PSD3: variants seen among roughly 807,000 people sequenced by gnomAD.
PSD3 encodes PH and SEC7 domain-containing protein 3.
In PSD3, 49 loss-of-function variants were observed where a neutral mutation model predicts 105.5. The ratio of observed to expected loss-of-function variants is 0.46; its 90% confidence interval spans 0.37 to 0.59. PSD3 has a LOEUF of 0.59. PSD3 is among the 20% of genes least tolerant of loss of function. The pLI is 0.00. For missense variants in PSD3, 1,561 were observed against 1,263.8 expected (o/e 1.24, Z -3.57); for synonymous variants, 557 against 457.8 (o/e 1.22, Z -2.77).
chr8:18,886,091 T>C lies in PSD3; in HGVS notation c.131-13358A>G, dbSNP rs189689863. On this transcript the variant is annotated intron_variant, in intron 2 of 15. Transcript: ENST00000327040. ...CTACAACATTATGTCTTTCTAAAAC[T>C]GGAGGGGTAGCCTGTTTTCTCTCTT... 2.7e-3 allele frequency among the ~76,000 whole-genome samples: 404 copies of C among 152,172 alleles called. 3 individuals carry two copies. The highest frequency in any genetic ancestry group is 0.023 in the Admixed American group (345 of 15,288).
intron 1 of PSD3, among the ~76,000 whole-genome samples, chr8:18,946,431 A>G (rs533573569): frequency 3.9e-5 from 6 of 152,256 alleles, no homozygotes; most frequent in African/African-American, 1.4e-4. Context: ...AAATAAAAAA[A>G]TCAGCCAGGC....
At chr8:19,004,834 T>C (rs1368831982) in intron 1 of PSD3, among the ~76,000 whole-genome samples, 1 of 152,020 alleles carries the variant, frequency 6.6e-6, no homozygotes, top group East Asian at 1.9e-4. Context: ...TCTGATGGCT[T>C]TAAAAATGGG....
At chr8:18,667,871 C>T (rs1343759274) in intron 9 of PSD3, among the ~76,000 whole-genome samples, 1 of 152,214 alleles carries the variant, frequency 6.6e-6, no homozygotes, top group African/African-American at 2.4e-5. Context: ...AGTGTAGCGC[C>T]GGCAGGCCGG....
chr8:18,572,570 A>C lies in PSD3; in HGVS notation c.2742T>G (p.Phe914Leu). 1.2e-6 allele frequency: 2 copies of C among 1,614,094 alleles called. No individual in the cohort carries two copies. Among genetic ancestry groups the C allele is most frequent in the Non-Finnish European group, 8.5e-7 (1 of 1,179,938 alleles). The change falls in exon 14 of 16, where the codon TTT becomes TTG. Residue 914 changes from phenylalanine (F) to leucine (L), a missense_variant. By Grantham distance (22) the Phe-to-Leu change is conservative. Coordinates refer to ENST00000327040, the MANE Select transcript of PSD3 (RefSeq NM_015310.4). ...TAGTGGCAGGCAGAAGTGGGCGGCT[A>C]AACTTCTTCTGAGAGCCGATTGCTG... is the stretch of plus-strand genomic sequence containing the variant. ...FPAAIGSQKK[F>L]SRPLLPATTT...
chr8:18,530,670 G>A lies in PSD3; in HGVS notation c.*5073C>T, dbSNP rs1480419700. On this transcript the variant is annotated 3_prime_UTR_variant, in exon 16 of 16. Transcript: ENST00000327040. ...GTGCTCTTAATACTAAAGTTACTAA[G>A]ACTGCACAGGCTGCCTTTTTTTTTT... The A allele has an allele frequency of 6.7e-6, 1 of 150,132 alleles. No homozygotes were observed. Among genetic ancestry groups the A allele is most frequent in the Admixed American group, 6.6e-5 (1 of 15,046 alleles). The allele number at this position is 150,132 out of a possible 1,614,324, so 9.3% of individuals were successfully genotyped here.
chr8:18,778,984 A>G (rs1003082462), intron 8 of PSD3, among the ~76,000 whole-genome samples: 1 of 152,106 alleles, frequency 6.6e-6, no homozygotes, highest in African/African-American at 2.4e-5. Context: ...AGCTAGGAAA[A>G]AATCCCTCCT....
intron 2 of PSD3, among the ~76,000 whole-genome samples, chr8:18,901,753 A>G (rs1424272672): frequency 6.6e-6 from 1 of 152,118 alleles, no homozygotes; most frequent in East Asian, 1.9e-4. Context: ...TTTGTCTGGG[A>G]AATACTTTAT....
chr8:18,659,501 A>C (rs1809164278), intron 9 of PSD3, among the ~76,000 whole-genome samples: 1 of 152,220 alleles, frequency 6.6e-6, no homozygotes, highest in African/African-American at 2.4e-5. Flanking sequence ...TTTCACAAAC[A>C]CTGACTCAAG....
intron 12 of PSD3, among the ~76,000 whole-genome samples, chr8:18,588,838 C>T (rs1348999347): frequency 2.0e-5 from 3 of 152,132 alleles, no homozygotes; most frequent in Non-Finnish European, 4.4e-5. Context: ...AAAGCTGGTA[C>T]CTTTGAAACA....
chr8:18,703,329 A>G (rs542314753), intron 9 of PSD3, among the ~76,000 whole-genome samples: 1 of 152,316 alleles, frequency 6.6e-6, no homozygotes, highest in East Asian at 1.9e-4. Flanking sequence ...TGTCTCAGCA[A>G]GGGCCTTCAG....
At chr8:18,938,432 G>A (rs1415294039) in intron 1 of PSD3, among the ~76,000 whole-genome samples, 2 of 152,010 alleles carry the variant, frequency 1.3e-5, no homozygotes, top group Non-Finnish European at 2.9e-5. Flanking sequence ...GACCAGCCTG[G>A]CCAACATGGC....
At chr8:18,542,980 T>A (rs571101609) in intron 15 of PSD3, among the ~76,000 whole-genome samples, 3 of 152,162 alleles carry the variant, frequency 2.0e-5, no homozygotes, top group East Asian at 1.9e-4. Flanking sequence ...ACAGGGTAAA[T>A]AGAGTTCCAG....
chr8:18,756,552 C>T (rs990778330), intron 9 of PSD3, among the ~76,000 whole-genome samples: 3 of 134,230 alleles, frequency 2.2e-5, no homozygotes, highest in African/African-American at 9.7e-5. Context: ...TTCAAAATGA[C>T]GTTAAGAAAA....
intron 4 of PSD3, among the ~76,000 whole-genome samples, chr8:18,835,487 C>T (rs575127083): frequency 1.3e-5 from 2 of 152,236 alleles, no homozygotes; most frequent in East Asian, 3.9e-4. Context: ...TCAGGAGTGA[C>T]CAAAACAAGA....
rs547517764 is a variant in PSD3 at position 18,833,581 on chromosome 8, G to T, written c.1635-28683C>A. Among the ~76,000 whole-genome samples, 34 of 152,222 alleles carry T rather than the reference G, an allele frequency of 2.2e-4. No individual in the cohort carries two copies. The South Asian group carries it at 7.0e-3, about 32-fold the overall frequency. On this transcript the variant is annotated intron_variant, in intron 4 of 15. Transcript: ENST00000327040. ...GACAAGCCAGTGGAGAAAATCTTTG[G>T]GGTTAAAATGAGTTTTCCACTAGTT...
chr8:18,754,102 G>C (rs1423607291), intron 9 of PSD3, among the ~76,000 whole-genome samples: 1 of 152,206 alleles, frequency 6.6e-6, no homozygotes, highest in East Asian at 1.9e-4. Flanking sequence ...TTTCAATTTA[G>C]GCCAGGTGCG....
At chr8:18,574,770 A>G (rs1372065671) in intron 13 of PSD3, among the ~76,000 whole-genome samples, 1 of 152,176 alleles carries the variant, frequency 6.6e-6, no homozygotes, top group East Asian at 1.9e-4. Flanking sequence ...AGGTTAAACT[A>G]TGTGCTAGGA....
intron 9 of PSD3, among the ~76,000 whole-genome samples, chr8:18,738,172 T>A (rs1305216786): frequency 6.6e-6 from 1 of 152,172 alleles, no homozygotes; most frequent in Non-Finnish European, 1.5e-5. Context: ...TCACAAACTG[T>A]TACCAGGACT....
chr8:18,881,924 A>G (rs924258810), intron 2 of PSD3, among the ~76,000 whole-genome samples: 12 of 152,156 alleles, frequency 7.9e-5, no homozygotes, highest in Non-Finnish European at 1.3e-4. Flanking sequence ...ATAGAAGGTG[A>G]AAGCCAGATG....
Sources: allele counts gnomAD v4.1 joint callset (sites outside exome capture counted in the v4.1 genomes callset), GRCh38; gene constraint gnomAD v4.1.1; transcripts MANE v1.5; gene names NCBI Gene and HGNC (gene_info 2026-07-23, HGNC 2026-07-21).